The following CD226 variants were observed in gnomAD, a reference collection of about 807,000 sequenced individuals.
The protein encoded by CD226 is CD226 antigen.
CD226 carries 24 observed loss-of-function variants against 34.9 expected under a neutral mutation model. That is an observed-to-expected ratio of 0.69 (90% CI 0.50 to 0.97). CD226 has a LOEUF of 0.97. Ranked by LOEUF, CD226 falls within the 50% of genes least tolerant of loss-of-function variation. The pLI is 0.00. For missense variants in CD226, 397 were observed against 412.7 expected, an observed-to-expected ratio of 0.96 and a Z score of 0.33; for synonymous variants, 148 against 147.4, an observed-to-expected ratio of 1.00 and a Z score of -0.03.
At chr18:69,900,686 T>C (rs2602151) in intron 2 of CD226, among the ~76,000 whole-genome samples, 60,559 of 145,322 alleles carry the variant, frequency 0.42, 14,925 homozygotes, top group African/African-American at 0.69. Flanking sequence ...GAGCCGAGAT[T>C]GCGCCACTGC....
In CD226 at chr18:69,947,380, A is replaced by G. The variant is rs766187208; in HGVS notation, c.27T>C (p.Ala9=). 6.3e-7 allele frequency: 1 copy of G among 1,587,064 alleles called. No individual in the cohort carries two copies. The highest frequency in any genetic ancestry group is 1.2e-5 in the South Asian group (1 of 86,856). The change falls in exon 1 of 6, where the codon GCT becomes GCC. Residue 9 remains alanine (A), a synonymous_variant. Coordinates refer to ENST00000582621, the MANE Select transcript of CD226 (RefSeq NM_001303618.2). ...CTTTACCTCTGTATACATGAAGAAG[A>G]GCCAAAAGTAAAGTAGGATAATCCA... MDYPTLLL[A]LLHVYRALCE...
rs1555675813 is a variant in CD226 at position 69,861,554 on chromosome 18, G to GTATATATATATATATATATGTATATA, written c.*2759_*2760insTATATACATATATATATATATATATA. 3 of 127,948 alleles carry GTATATATATATATATATATGTATATA rather than the reference G, an allele frequency of 2.3e-5. No homozygotes were observed. Among genetic ancestry groups the GTATATATATATATATATATGTATATA allele is most frequent in the African/African-American group, 8.3e-5 (3 of 36,322 alleles). The allele number at this position is 127,948 out of a possible 1,614,324, so 7.9% of individuals were successfully genotyped here. On this transcript the variant is annotated 3_prime_UTR_variant, in exon 6 of 6. Coordinates refer to ENST00000582621, the MANE Select transcript of CD226 (RefSeq NM_001303618.2). The stretch of plus-strand genomic sequence containing the variant: ...ATAAATTATATGTGTATATATATAT[G>GTATATATATATATATATATGTATATA]TATATATATATATATATATGTAAAA...
chr18:69,897,719 A>G (rs977212551), intron 2 of CD226, among the ~76,000 whole-genome samples: 3 of 152,224 alleles, frequency 2.0e-5, no homozygotes, highest in African/African-American at 7.2e-5. Flanking sequence ...AAGGAGACAG[A>G]GAAACAAAAG....
At chr18:69,871,387 T>C (rs1406435572) in intron 4 of CD226, among the ~76,000 whole-genome samples, 8 of 152,228 alleles carry the variant, frequency 5.3e-5, no homozygotes, top group Non-Finnish European at 1.0e-4. Context: ...ATTAGACAAA[T>C]GTTTATTGAG....
intron 3 of CD226, among the ~76,000 whole-genome samples, chr18:69,893,761 A>G (rs1375637923): frequency 2.0e-5 from 3 of 152,204 alleles, no homozygotes; most frequent in African/African-American, 7.2e-5. Context: ...ATTAAATTCT[A>G]AGTCCAATGT....
chr18:69,896,637 C>G (rs1055526918), intron 2 of CD226, among the ~76,000 whole-genome samples: 3 of 152,070 alleles, frequency 2.0e-5, no homozygotes, highest in Non-Finnish European at 4.4e-5. Flanking sequence ...AGCCAAAACC[C>G]CTGGTGCTTT....
intron 2 of CD226, among the ~76,000 whole-genome samples, chr18:69,932,114 T>A (rs768164045): frequency 1.3e-5 from 2 of 152,178 alleles, no homozygotes; most frequent in Admixed American, 6.5e-5. Flanking sequence ...CATTTCCAAA[T>A]AGTCACCTTC....
chr18:69,906,272 T>C (rs774637756), intron 2 of CD226, among the ~76,000 whole-genome samples: 1 of 152,140 alleles, frequency 6.6e-6, no homozygotes. Context: ...TTGACTTCCA[T>C]TGAAAAAAAA....
At chr18:69,872,861 C>T (rs1983621484) in intron 4 of CD226, among the ~76,000 whole-genome samples, 1 of 152,176 alleles carries the variant, frequency 6.6e-6, no homozygotes, top group Non-Finnish European at 1.5e-5. Context: ...ACACCACCCC[C>T]TCGCTGTCAG....
intron 2 of CD226, 53 bp from the exon 3 acceptor site, chr18:69,896,098 C>T: frequency 6.4e-7 from 1 of 1,554,168 alleles, no homozygotes; most frequent in African/African-American, 1.4e-5. Flanking sequence ...TTGGGACACC[C>T]AACTGGAAGA....
At chr18:69,953,176 C>T (rs967271433) in intron 1 of CD226, among the ~76,000 whole-genome samples, 7 of 152,146 alleles carry the variant, frequency 4.6e-5, no homozygotes, top group Non-Finnish European at 7.3e-5. Flanking sequence ...TTCTTCAAAA[C>T]GTTCAACAGG....
At chr18:69,911,852 ATGTG>A (rs1039745208) in intron 2 of CD226, among the ~76,000 whole-genome samples, 2 of 152,102 alleles carry the variant, frequency 1.3e-5, no homozygotes, top group South Asian at 2.1e-4. Flanking sequence ...GTGTGTGCAT[ATGTG>A]TGTGTGTATT....
intron 4 of CD226, among the ~76,000 whole-genome samples, chr18:69,872,142 C>G (rs546160385): frequency 1.5e-4 from 22 of 150,606 alleles, no homozygotes; most frequent in Admixed American, 1.3e-3. Flanking sequence ...ACATATTCAC[C>G]TACCCAGCAA....
At chr18:69,958,519 G>A (rs2055913726), upstream of CD226, among the ~76,000 whole-genome samples, 1 of 152,098 alleles carries the variant, frequency 6.6e-6, no homozygotes, top group Non-Finnish European at 1.5e-5. Flanking sequence ...TTTCTTTTGA[G>A]TCAAAACTCT....
intron 2 of CD226, 151 bp from the exon 3 acceptor site, chr18:69,896,196 T>TG (rs1985284392): frequency 1.4e-6 from 2 of 1,393,294 alleles, no homozygotes; most frequent in Admixed American, 5.9e-5. Context: ...TTTTTTTTTT[T>TG]CCTGAGACGG....
At chr18:69,901,094 A>G (rs2055176858) in intron 2 of CD226, among the ~76,000 whole-genome samples, 1 of 152,192 alleles carries the variant, frequency 6.6e-6, no homozygotes, top group African/African-American at 2.4e-5. Flanking sequence ...AAGAGCAGAG[A>G]AACGTATCAA....
rs1982691739 is a variant in CD226, at chr18:69,858,829, A to G, written c.*5485T>C. Reference sequence around the variant, plus strand: ...ACTGCAACCTCTGCCTCCCGGGTTCAAGCGATTCTTCTGCCTCAGCCTCCC... The same window carrying G: ...ACTGCAACCTCTGCCTCCCGGGTTCGAGCGATTCTTCTGCCTCAGCCTCCC... On this transcript the variant is annotated 3_prime_UTR_variant, in exon 6 of 6. Coordinates refer to ENST00000582621, the MANE Select transcript of CD226 (RefSeq NM_001303618.2). 7.3e-6 allele frequency: 1 copy of G among 136,354 alleles called. No homozygotes were observed. The highest frequency in any genetic ancestry group is 1.5e-5 in the Non-Finnish European group (1 of 65,826). 8.4% of individuals were successfully genotyped at this position (136,354 alleles called of 1,614,324 possible).
At chr18:69,936,576 T>C (rs2055656746) in intron 2 of CD226, among the ~76,000 whole-genome samples, 1 of 152,198 alleles carries the variant, frequency 6.6e-6, no homozygotes, top group Admixed American at 6.5e-5. Flanking sequence ...CATTTAGTAT[T>C]TTTTTCTTTA....
chr18:69,895,797 C>T lies in CD226; in HGVS notation c.631G>A (p.Asp211Asn), dbSNP rs748967734. The T allele has an allele frequency of 8.3e-5, 134 of 1,614,016 alleles. 2 individuals are homozygous for T. In the South Asian group the frequency reaches 1.3e-3, roughly 16 times the overall value. ...HGRWSVIVIPDVTVSDSGLYR... is the reference protein window; with the variant it reads ...HGRWSVIVIPNVTVSDSGLYR... ...AGCCCCGAGTCTGAGACTGTGACAT[C>T]GGGGATGACGATGACGCTCCACCTT... Residue 211 changes from aspartate (D) to asparagine (N), a missense_variant, in exon 3 of 6, where the codon GAT (aspartate) becomes AAT (asparagine). Asp to Asn is a conservative substitution (Grantham distance 23). Coordinates refer to ENST00000582621, the MANE Select transcript of CD226 (RefSeq NM_001303618.2).
Sources: allele counts gnomAD v4.1 joint callset (sites outside exome capture counted in the v4.1 genomes callset), GRCh38; gene constraint gnomAD v4.1.1; transcripts MANE v1.5; gene names NCBI Gene and HGNC (gene_info 2026-07-23, HGNC 2026-07-21).